Variants in GPC6 observed in about 807,000 individuals in gnomAD.
GPC6 encodes the protein glypican-6.
A neutral mutation model predicts 55.2 loss-of-function variants in GPC6; 14 were observed. That is an observed-to-expected ratio of 0.25 (90% CI 0.17 to 0.40). The LOEUF (loss-of-function observed/expected upper bound fraction) is 0.40, where lower values mean the gene tolerates loss of function less well. Ranked by LOEUF, GPC6 falls within the 10% of genes least tolerant of loss-of-function variation. The pLI is 1.00. For synonymous variants in GPC6, 278 were observed against 259.6 expected (o/e 1.07, Z -0.68); for missense variants, 641 against 708.5 (o/e 0.90, Z 1.08).
At chr13:93,228,092 C>G (rs898086291) in intron 1 of GPC6, among the ~76,000 whole-genome samples, 2 of 152,100 alleles carry the variant, frequency 1.3e-5, no homozygotes, top group Non-Finnish European at 2.9e-5. Flanking sequence ...GGTGGAGAGA[C>G]GCGGAGGGCT....
intron 2 of GPC6, among the ~76,000 whole-genome samples, chr13:93,795,148 A>T (rs1240253252): frequency 6.6e-6 from 1 of 152,188 alleles, no homozygotes; most frequent in African/African-American, 2.4e-5. Flanking sequence ...AGTGAAAGCA[A>T]GTTTATTACA....
chr13:94,047,160 G>C (rs1183693365), intron 4 of GPC6, among the ~76,000 whole-genome samples: 1 of 151,882 alleles, frequency 6.6e-6, no homozygotes, highest in Non-Finnish European at 1.5e-5. Context: ...TAAATGTATT[G>C]GTATTCTTGG....
At chr13:93,700,859 A>ATT (rs1566493818) in intron 2 of GPC6, among the ~76,000 whole-genome samples, 6 of 152,178 alleles carry the variant, frequency 3.9e-5, no homozygotes, top group Non-Finnish European at 5.9e-5. Flanking sequence ...GAGAGGAGGG[A>ATT]AGGTCAAGAT....
At chr13:93,331,205 C>A (rs547295319) in intron 1 of GPC6, among the ~76,000 whole-genome samples, 11 of 152,154 alleles carry the variant, frequency 7.2e-5, no homozygotes, top group African/African-American at 2.4e-4. Flanking sequence ...TTCTTTCTTG[C>A]TAAAAATACT....
At chr13:93,457,346 A>G (rs1180178549) in intron 1 of GPC6, among the ~76,000 whole-genome samples, 1 of 152,170 alleles carries the variant, frequency 6.6e-6, no homozygotes, top group Non-Finnish European at 1.5e-5. Flanking sequence ...GGAGTGACAT[A>G]TTTCCAAATA....
At chr13:94,260,225 G>A (rs1190992750) in intron 4 of GPC6, among the ~76,000 whole-genome samples, 1 of 152,112 alleles carries the variant, frequency 6.6e-6, no homozygotes, top group African/African-American at 2.4e-5. Context: ...AGAACACAGA[G>A]GCAGAGCTCA....
In GPC6 at chr13:93,383,873, T is replaced by C. The variant is rs373734281; in HGVS notation, c.160+156257T>C. On this transcript the variant is annotated intron_variant, in intron 1 of 8. Coordinates refer to ENST00000377047, the MANE Select transcript of GPC6 (RefSeq NM_005708.5). ...CACTCTTTCTGAATATTCCATCATATCTTCTTCCTTTTTATTTAGTCTTGG... is the reference window on the plus strand; with the variant it reads ...CACTCTTTCTGAATATTCCATCATACCTTCTTCCTTTTTATTTAGTCTTGG... Among the ~76,000 whole-genome samples, 3 of 152,168 alleles carry C rather than the reference T, an allele frequency of 2.0e-5. No homozygotes were observed. The East Asian group carries it at 5.8e-4, about 29-fold the overall frequency.
chr13:93,396,674 G>T (rs1875871185), intron 1 of GPC6, among the ~76,000 whole-genome samples: 1 of 151,920 alleles, frequency 6.6e-6, no homozygotes, highest in Admixed American at 6.6e-5. Flanking sequence ...TAAGGACAAT[G>T]GTAAAGTTAC....
intron 2 of GPC6, among the ~76,000 whole-genome samples, chr13:93,673,225 C>G (rs1167582311): frequency 6.6e-6 from 1 of 152,090 alleles, no homozygotes; most frequent in Non-Finnish European, 1.5e-5. Context: ...CCTCAGGGTC[C>G]TGCTCTCTAT....
At chr13:93,561,813 G>A (rs1405699056) in intron 2 of GPC6, among the ~76,000 whole-genome samples, 1 of 152,144 alleles carries the variant, frequency 6.6e-6, no homozygotes, top group Non-Finnish European at 1.5e-5. Context: ...GCTCCTGCCT[G>A]AGCAGACATT....
intron 3 of GPC6, among the ~76,000 whole-genome samples, chr13:93,846,741 G>A (rs547611895): frequency 5.7e-4 from 87 of 152,244 alleles, no homozygotes; most frequent in South Asian, 8.3e-4. Flanking sequence ...TTGAACCGGG[G>A]AGACGGAGGT....
intron 2 of GPC6, among the ~76,000 whole-genome samples, chr13:93,805,322 T>C (rs1886510536): frequency 6.6e-6 from 1 of 152,210 alleles, no homozygotes; most frequent in Non-Finnish European, 1.5e-5. Flanking sequence ...GTATTCTAAG[T>C]GCTTTGCATA....
intron 1 of GPC6, among the ~76,000 whole-genome samples, chr13:93,433,705 A>G (rs1272611860): frequency 6.6e-6 from 1 of 152,190 alleles, no homozygotes; most frequent in Admixed American, 6.5e-5. Flanking sequence ...AGGGAGACAG[A>G]CAGAGTCAAG....
In GPC6 at chr13:93,683,733, T is replaced by G. The variant is rs570956817; in HGVS notation, c.319+138312T>G. Among the ~76,000 whole-genome samples, 64 of 152,320 alleles carry G rather than the reference T, an allele frequency of 4.2e-4. 1 individual carries two copies. The highest frequency in any genetic ancestry group is 1.4e-3 in the African/African-American group (60 of 41,584). ...TTTGTAGATGAATGCTTTTACATCT[T>G]GAAACCTTAATTATTGTGGTGGGAG... On this transcript the variant is annotated intron_variant, in intron 2 of 8. Transcript: ENST00000377047.
intron 2 of GPC6, among the ~76,000 whole-genome samples, chr13:93,686,750 G>T (rs1882063403): frequency 6.6e-6 from 1 of 151,962 alleles, no homozygotes; most frequent in Admixed American, 6.6e-5. Flanking sequence ...ATTTTCTTTT[G>T]AGGTGGTGAA....
At chr13:94,391,270 A>G (rs1594235275) in intron 7 of GPC6, among the ~76,000 whole-genome samples, 1 of 152,322 alleles carries the variant, frequency 6.6e-6, no homozygotes, top group East Asian at 1.9e-4. Context: ...TTAGTTTGGC[A>G]ATTTGGGGAG....
chr13:94,206,043 G>T (rs966320587), intron 4 of GPC6, among the ~76,000 whole-genome samples: 2 of 152,094 alleles, frequency 1.3e-5, no homozygotes, highest in Admixed American at 6.5e-5. Flanking sequence ...GATTCATCAG[G>T]CCCCAAATTT....
chr13:94,256,267 T>C (rs1891502032), intron 4 of GPC6, among the ~76,000 whole-genome samples: 1 of 152,034 alleles, frequency 6.6e-6, no homozygotes, highest in Non-Finnish European at 1.5e-5. Flanking sequence ...GCAGGGGAGT[T>C]CAAGTGGTAA....
chr13:93,788,544 C>CACACACACA (rs1555331544), intron 2 of GPC6, among the ~76,000 whole-genome samples: 2 of 151,050 alleles, frequency 1.3e-5, no homozygotes, highest in African/African-American at 4.9e-5. Context: ...CACACACACA[C>CACACACACA]CTTGTCTGCT....
Sources: allele counts gnomAD v4.1 joint callset (sites outside exome capture counted in the v4.1 genomes callset), GRCh38; gene constraint gnomAD v4.1.1; transcripts MANE v1.5; gene names NCBI Gene and HGNC (gene_info 2026-07-23, HGNC 2026-07-21).